CCSER1: variants seen among roughly 807,000 people sequenced by gnomAD.
CCSER1 encodes the protein serine-rich coiled-coil domain-containing protein 1.
In CCSER1, 41 loss-of-function variants were observed where a neutral mutation model predicts 82.0. The observed-to-expected ratio is 0.50, with a 90% CI of 0.39 to 0.65. The LOEUF (loss-of-function observed/expected upper bound fraction) is 0.65, where lower values mean the gene tolerates loss of function less well. Ranked by LOEUF, CCSER1 falls within the 30% of genes least tolerant of loss-of-function variation. The pLI is 0.00. For synonymous variants in CCSER1, 414 were observed against 383.9 expected, an observed-to-expected ratio of 1.08 and a Z score of -0.92; for missense variants, 1,119 against 1,064.2, an observed-to-expected ratio of 1.05 and a Z score of -0.72.
intron 1 of CCSER1, among the ~76,000 whole-genome samples, chr4:90,235,983 C>T (rs1745717244): frequency 6.6e-6 from 1 of 152,008 alleles, no homozygotes; most frequent in African/African-American, 2.4e-5. Flanking sequence ...ATTGTGTCTC[C>T]CAGGCTGGAA....
chr4:90,484,797 C>A (rs996227387), intron 5 of CCSER1, among the ~76,000 whole-genome samples: 6 of 152,170 alleles, frequency 3.9e-5, no homozygotes. Flanking sequence ...CTGGGGGGTT[C>A]CTCCCAGTTA....
chr4:91,473,806 C>T (rs895604580), intron 10 of CCSER1, among the ~76,000 whole-genome samples: 1 of 152,026 alleles, frequency 6.6e-6, no homozygotes, highest in Non-Finnish European at 1.5e-5. Flanking sequence ...GGTTTTATTT[C>T]ATATGTGGAT....
At chr4:91,067,710 C>G (rs1720992276) in intron 9 of CCSER1, among the ~76,000 whole-genome samples, 1 of 152,130 alleles carries the variant, frequency 6.6e-6, no homozygotes, top group African/African-American at 2.4e-5. Flanking sequence ...AAAACGAAGT[C>G]CCTAAGGAGC....
intron 10 of CCSER1, among the ~76,000 whole-genome samples, chr4:91,426,102 T>C (rs1001609918): frequency 2.0e-5 from 3 of 152,152 alleles, no homozygotes; most frequent in African/African-American, 7.2e-5. Context: ...TGTGTTCTCA[T>C]TGTTCAACTC....
At chr4:91,577,276 C>T (rs1463571958) in intron 10 of CCSER1, among the ~76,000 whole-genome samples, 1 of 151,678 alleles carries the variant, frequency 6.6e-6, no homozygotes, top group Non-Finnish European at 1.5e-5. Flanking sequence ...ACAAGTTAGA[C>T]CTTGGGGGGC....
At chr4:90,556,232 TAGAA>T (rs1778124823) in intron 5 of CCSER1, among the ~76,000 whole-genome samples, 1 of 152,110 alleles carries the variant, frequency 6.6e-6, no homozygotes, top group Non-Finnish European at 1.5e-5. Context: ...ATTAAACTGA[TAGAA>T]AGAAAACTTT....
intron 1 of CCSER1, among the ~76,000 whole-genome samples, chr4:90,302,698 G>A (rs1415169754): frequency 6.6e-6 from 1 of 152,136 alleles, no homozygotes; most frequent in African/African-American, 2.4e-5. Flanking sequence ...AGCTACTTGG[G>A]AGGCTGAGGT....
chr4:91,258,979 G>T (rs1456999991), intron 10 of CCSER1, among the ~76,000 whole-genome samples: 1 of 152,026 alleles, frequency 6.6e-6, no homozygotes, highest in South Asian at 2.1e-4. Context: ...GCTCAAAAAT[G>T]ACTTTAAATT....
intron 7 of CCSER1, among the ~76,000 whole-genome samples, chr4:90,776,536 A>G (rs1452817989): frequency 6.6e-6 from 1 of 152,228 alleles, no homozygotes; most frequent in Non-Finnish European, 1.5e-5. Context: ...TCTATTGAAT[A>G]AACTTTGGTA....
intron 9 of CCSER1, among the ~76,000 whole-genome samples, chr4:90,977,057 T>G (rs1735676384): frequency 6.6e-6 from 1 of 151,646 alleles, no homozygotes; most frequent in African/African-American, 2.4e-5. Context: ...TTTAAAATGC[T>G]TTAGTTTTTA....
intron 4 of CCSER1, among the ~76,000 whole-genome samples, chr4:90,411,461 G>T (rs1437130722): frequency 3.9e-5 from 6 of 152,262 alleles, no homozygotes; most frequent in African/African-American, 1.2e-4. Flanking sequence ...ATGCAAGGCT[G>T]GTTCAACATA....
chr4:91,306,059 TTG>T (rs70965483), intron 10 of CCSER1, among the ~76,000 whole-genome samples: 1,496 of 139,442 alleles, frequency 0.011, 16 homozygotes, highest in East Asian at 0.024. Flanking sequence ...ATCAGTGTGT[TTG>T]TGTGTGTGTG....
intron 10 of CCSER1, among the ~76,000 whole-genome samples, chr4:91,387,793 A>G (rs549724185): frequency 1.3e-5 from 2 of 152,214 alleles, no homozygotes; most frequent in African/African-American, 4.8e-5. Context: ...GGTGGAAGTG[A>G]TTGCATCTGG....
chr4:91,235,176 C>T (rs1277535740), intron 10 of CCSER1, among the ~76,000 whole-genome samples: 1 of 151,938 alleles, frequency 6.6e-6, no homozygotes. Flanking sequence ...TATTGTATTC[C>T]TAAAATCTAG....
At chr4:90,243,389 C>T (rs1720760103) in intron 1 of CCSER1, among the ~76,000 whole-genome samples, 1 of 151,984 alleles carries the variant, frequency 6.6e-6, no homozygotes. Flanking sequence ...GCTGGGATTA[C>T]AGGAGCGTGC....
chr4:90,181,442 A>G (rs1733715948), intron 1 of CCSER1, among the ~76,000 whole-genome samples: 1 of 152,194 alleles, frequency 6.6e-6, no homozygotes, highest in Non-Finnish European at 1.5e-5. Flanking sequence ...ACAAAAAGGC[A>G]TCAGTATTTC....
chr4:91,076,122 A>C (rs1435394217), intron 9 of CCSER1, among the ~76,000 whole-genome samples: 1 of 152,172 alleles, frequency 6.6e-6, no homozygotes, highest in Non-Finnish European at 1.5e-5. Context: ...AAGCCCTAGT[A>C]TCATATGGAA....
At chr4:91,518,915 G>A (rs1365280768) in intron 10 of CCSER1, among the ~76,000 whole-genome samples, 4 of 152,192 alleles carry the variant, frequency 2.6e-5, no homozygotes, top group Non-Finnish European at 5.9e-5. Flanking sequence ...CTTTCCCAGG[G>A]AAGATGGACT....
chr4:91,440,226 C>T lies in CCSER1; in HGVS notation c.2218-158346C>T, dbSNP rs186376598. Among the ~76,000 whole-genome samples, 122 of 152,218 alleles carry T rather than the reference C, an allele frequency of 8.0e-4. 1 individual carries two copies. The highest frequency in any genetic ancestry group is 2.7e-3 in the African/African-American group (112 of 41,534). On this transcript the variant is annotated intron_variant, in intron 10 of 10. Coordinates refer to ENST00000509176, the MANE Select transcript of CCSER1 (RefSeq NM_001145065.2). ...CCACATAGTTGGAGGTAAAACTCTC[C>T]TCAGCAAACATAAAAGAACAGAAAT...
Sources: allele counts gnomAD v4.1 joint callset (sites outside exome capture counted in the v4.1 genomes callset), GRCh38; gene constraint gnomAD v4.1.1; transcripts MANE v1.5; gene names NCBI Gene and HGNC (gene_info 2026-07-23, HGNC 2026-07-21).